Variants in KAT6B observed in about 807,000 individuals in gnomAD.
KAT6B encodes the protein lysine acetyltransferase 6B.
KAT6B carries 10 observed loss-of-function variants against 187.5 expected under a neutral mutation model. The observed-to-expected ratio is 0.05, with a 90% CI of 0.03 to 0.09. KAT6B has a LOEUF of 0.09. Among genes scored for constraint, KAT6B ranks in the 10% least tolerant of loss-of-function variants. KAT6B has a pLI of 1.00. For missense variants in KAT6B, 1,952 were observed against 2,558.9 expected (o/e 0.76, Z 5.12); for synonymous variants, 861 against 926.8 (o/e 0.93, Z 1.29).
intron 13 of KAT6B, among the ~76,000 whole-genome samples, chr10:74,991,436 C>T (rs1589767088): frequency 6.6e-6 from 1 of 152,210 alleles, no homozygotes; most frequent in Non-Finnish European, 1.5e-5. Flanking sequence ...AGAGAACAAT[C>T]TGGGTAACAA....
intron 3 of KAT6B, among the ~76,000 whole-genome samples, chr10:74,875,117 A>G (rs532794539): frequency 2.0e-5 from 3 of 152,328 alleles, no homozygotes; most frequent in Admixed American, 2.0e-4. Flanking sequence ...AATATTTTGT[A>G]TTAGATAAAT....
intron 3 of KAT6B, 101 bp from the exon 4 acceptor site, chr10:74,959,869 A>G: frequency 1.3e-6 from 1 of 796,154 alleles, no homozygotes; most frequent in South Asian, 1.5e-5. Context: ...TGTTAAAGAA[A>G]GAAGAAGCTT....
At chr10:74,969,404 A>G (rs1841705284) in intron 4 of KAT6B, among the ~76,000 whole-genome samples, 1 of 152,216 alleles carries the variant, frequency 6.6e-6, no homozygotes, top group Non-Finnish European at 1.5e-5. Flanking sequence ...CAAAGGCTTC[A>G]GATTGGAATT....
At chr10:75,028,406 T>C in intron 17 of KAT6B, 83 bp from the exon 18 acceptor site, 10 of 1,599,746 alleles carry the variant, frequency 6.3e-6, no homozygotes, top group Non-Finnish European at 8.5e-6. Context: ...TGCTAATTAA[T>C]TTAGAGGAAT....
chr10:74,878,247 T>C (rs1156832923), intron 3 of KAT6B, among the ~76,000 whole-genome samples: 2 of 152,224 alleles, frequency 1.3e-5, no homozygotes, highest in South Asian at 2.1e-4. Context: ...CAGTGACTTA[T>C]GAAATATTTC....
At chr10:74,917,217 C>T (rs1018347379) in intron 3 of KAT6B, among the ~76,000 whole-genome samples, 2 of 152,180 alleles carry the variant, frequency 1.3e-5, no homozygotes, top group Non-Finnish European at 2.9e-5. Flanking sequence ...GGAAAGTTGT[C>T]AAAATAGGGT....
chr10:74,855,946 A>G (rs1264638819), intron 3 of KAT6B, among the ~76,000 whole-genome samples: 1 of 152,184 alleles, frequency 6.6e-6, no homozygotes, highest in Non-Finnish European at 1.5e-5. Context: ...AATTACAAAT[A>G]TTATATTTCA....
At chr10:74,847,410 C>T (rs1025255804) in intron 3 of KAT6B, among the ~76,000 whole-genome samples, 3 of 152,038 alleles carry the variant, frequency 2.0e-5, no homozygotes, top group Admixed American at 6.6e-5. Context: ...TGCCTGTAAT[C>T]CCAGCACTTT....
intron 1 of KAT6B, among the ~76,000 whole-genome samples, chr10:74,827,536 T>C (rs780035221): frequency 6.6e-6 from 1 of 151,626 alleles, no homozygotes; most frequent in South Asian, 2.1e-4. Flanking sequence ...CGTGGAAGGA[T>C]GGGATGGTTG....
At chr10:74,942,401 T>A (rs1412374477) in intron 3 of KAT6B, among the ~76,000 whole-genome samples, 1 of 152,144 alleles carries the variant, frequency 6.6e-6, no homozygotes, top group Non-Finnish European at 1.5e-5. Context: ...TAAAAATCCA[T>A]TAATGATATA....
At chr10:74,949,955 C>G (rs1564582868) in intron 3 of KAT6B, among the ~76,000 whole-genome samples, 1 of 152,110 alleles carries the variant, frequency 6.6e-6, no homozygotes, top group Non-Finnish European at 1.5e-5. Context: ...TTCAAGATCT[C>G]CATACATTAA....
At chr10:74,859,764 G>T (rs1843048987) in intron 3 of KAT6B, among the ~76,000 whole-genome samples, 1 of 152,168 alleles carries the variant, frequency 6.6e-6, no homozygotes, top group South Asian at 2.1e-4. Flanking sequence ...TTTTCCACCA[G>T]CTACAGAAAT....
intron 1 of KAT6B, among the ~76,000 whole-genome samples, chr10:74,830,554 A>G (rs1339558643): frequency 6.6e-6 from 1 of 151,444 alleles, no homozygotes; most frequent in East Asian, 1.9e-4. Flanking sequence ...GCTTGTCTTC[A>G]TCTTTACTAA....
At chr10:74,829,008 TAAAAA>T (rs796790976) in intron 1 of KAT6B, among the ~76,000 whole-genome samples, 2 of 136,382 alleles carry the variant, frequency 1.5e-5, no homozygotes, top group Non-Finnish European at 3.2e-5. Flanking sequence ...AGTGATGGTT[TAAAAA>T]AAAAAAAAAA....
chr10:74,929,694 G>A (rs1267331023), intron 3 of KAT6B, among the ~76,000 whole-genome samples: 2 of 152,070 alleles, frequency 1.3e-5, no homozygotes, highest in Non-Finnish European at 2.9e-5. Flanking sequence ...ACATATATAA[G>A]CAGTGTGTAT....
intron 4 of KAT6B, among the ~76,000 whole-genome samples, chr10:74,966,335 G>T (rs1248327840): frequency 6.6e-6 from 1 of 152,160 alleles, no homozygotes; most frequent in Non-Finnish European, 1.5e-5. Flanking sequence ...CCATCTCTAG[G>T]TCGGTACCCC....
At chr10:75,012,588 A>G (rs146615711) in intron 13 of KAT6B, among the ~76,000 whole-genome samples, 172 of 152,366 alleles carry the variant, frequency 1.1e-3, no homozygotes, top group African/African-American at 3.6e-3. Context: ...TCAGGAGCAC[A>G]TCCACAGAGG....
chr10:74,969,948 A>G (rs1841741023), intron 5 of KAT6B, 72 bp from the exon 6 acceptor site: 2 of 1,151,524 alleles, frequency 1.7e-6, no homozygotes, highest in Non-Finnish European at 2.6e-6. Flanking sequence ...ATGTTAATCC[A>G]GTAACAAAAG....
chr10:74,910,497 C>A (rs1350112531), intron 3 of KAT6B, among the ~76,000 whole-genome samples: 1 of 152,136 alleles, frequency 6.6e-6, no homozygotes, highest in African/African-American at 2.4e-5. Context: ...CTAGAGATAA[C>A]TTCACTGTGG....
Sources: gnomAD v4.1 joint callset for allele counts (sites outside exome capture counted in the v4.1 genomes callset) on GRCh38, gnomAD v4.1.1 for gene constraint, MANE v1.5 for transcripts, NCBI Gene and HGNC (gene_info 2026-07-23, HGNC 2026-07-21) for gene names.